DNAH14: variants seen among roughly 807,000 people sequenced by gnomAD.
DNAH14 encodes the protein axonemal beta dynein heavy chain 14.
A neutral mutation model predicts 520.9 loss-of-function variants in DNAH14; 478 were observed. That is an observed-to-expected ratio of 0.92 (90% confidence interval 0.85 to 0.99). The LOEUF is 0.99. Among genes scored for constraint, DNAH14 ranks in the 50% least tolerant of loss-of-function variants. The probability of loss-of-function intolerance (pLI) is 0.00; values close to 1 mark genes in which losing one functional copy is unlikely to be tolerated. For synonymous variants in DNAH14, 1,581 were observed against 1,757.2 expected, an observed-to-expected ratio of 0.90 and a Z score of 2.51; for missense variants, 4,831 against 5,234.5, an observed-to-expected ratio of 0.92 and a Z score of 2.38.
At chr1:225,384,788 C>A (rs1242686221) in intron 81 of DNAH14, among the ~76,000 whole-genome samples, 1 of 152,208 alleles carries the variant, frequency 6.6e-6, no homozygotes, top group Non-Finnish European at 1.5e-5. Flanking sequence ...CAGCCAAATT[C>A]TACCAGAGGT....
At chr1:225,213,807 G>A (rs1026697874) in intron 41 of DNAH14, among the ~76,000 whole-genome samples, 1 of 152,180 alleles carries the variant, frequency 6.6e-6, no homozygotes, top group Non-Finnish European at 1.5e-5. Context: ...GAGATTTTGG[G>A]CTGAGACGAT....
chr1:225,040,098 C>A (rs2067335380), intron 12 of DNAH14, among the ~76,000 whole-genome samples: 1 of 151,222 alleles, frequency 6.6e-6, no homozygotes. Flanking sequence ...CCACCATGCC[C>A]AGCTAATATT....
intron 17 of DNAH14, among the ~76,000 whole-genome samples, chr1:225,061,737 G>A (rs2070152817): frequency 6.6e-6 from 1 of 152,108 alleles, no homozygotes; most frequent in Admixed American, 6.6e-5. Flanking sequence ...GATCCTTTCA[G>A]CCTCCTGAAT....
intron 1 of DNAH14, among the ~76,000 whole-genome samples, chr1:224,941,913 C>G (rs1285857052): frequency 6.6e-6 from 1 of 152,098 alleles, no homozygotes; most frequent in Non-Finnish European, 1.5e-5. Flanking sequence ...TTACTGTAGC[C>G]TTGTAGTATA....
chr1:225,155,858 T>A (rs2080984736), intron 34 of DNAH14, among the ~76,000 whole-genome samples: 1 of 152,162 alleles, frequency 6.6e-6, no homozygotes, highest in African/African-American at 2.4e-5. Flanking sequence ...TGCTTTATTT[T>A]AAGAGGATGA....
intron 17 of DNAH14, among the ~76,000 whole-genome samples, chr1:225,071,227 T>A (rs2071510565): frequency 6.6e-6 from 1 of 152,192 alleles, no homozygotes. Flanking sequence ...ATCATCATGA[T>A]GTTAGCTGGT....
At chr1:225,095,994 T>C (rs1318883296) in intron 21 of DNAH14, among the ~76,000 whole-genome samples, 1 of 152,182 alleles carries the variant, frequency 6.6e-6, no homozygotes, top group African/African-American at 2.4e-5. Context: ...TGAGATGGTG[T>C]CTTGCTTTGT....
chr1:225,109,716 C>T (rs1426042900), intron 23 of DNAH14, among the ~76,000 whole-genome samples: 1 of 152,038 alleles, frequency 6.6e-6, no homozygotes. Flanking sequence ...TTTCTGATTG[C>T]TCCAGCTAGG....
At chr1:225,050,529 G>T (rs565664110) in intron 16 of DNAH14, among the ~76,000 whole-genome samples, 153 bp downstream of exon 16, 20 of 152,302 alleles carry the variant, frequency 1.3e-4, no homozygotes, top group African/African-American at 4.6e-4. Context: ...TTTTTCCCAT[G>T]ATCTGTCATC....
chr1:225,000,791 T>C (rs2063713362), intron 8 of DNAH14, among the ~76,000 whole-genome samples: 1 of 134,092 alleles, frequency 7.5e-6, no homozygotes, highest in African/African-American at 3.7e-5. Flanking sequence ...AGTTCAGCCA[T>C]TGAGTTTTTT....
chr1:225,319,801 T>C (rs2094528503), intron 61 of DNAH14, among the ~76,000 whole-genome samples: 1 of 152,092 alleles, frequency 6.6e-6, no homozygotes, highest in Admixed American at 6.6e-5. Flanking sequence ...GAGAACTGAA[T>C]GAAATTTGGA....
intron 44 of DNAH14, among the ~76,000 whole-genome samples, chr1:225,255,367 T>C (rs957794348): frequency 2.0e-5 from 3 of 152,226 alleles, no homozygotes. Flanking sequence ...AGGTTGGCTA[T>C]TCAAGGATTA....
intron 17 of DNAH14, among the ~76,000 whole-genome samples, chr1:225,067,716 A>G (rs1349513021): frequency 6.6e-6 from 1 of 152,122 alleles, no homozygotes; most frequent in Non-Finnish European, 1.5e-5. Flanking sequence ...TCTAATGATC[A>G]GTGATGTTGA....
chr1:225,265,272 T>C lies in DNAH14; in HGVS notation c.7313T>C (p.Phe2438Ser). The C allele has an allele frequency of 6.5e-7, 1 of 1,544,334 alleles. No individual in the cohort carries two copies. Among genetic ancestry groups the C allele is most frequent in the Middle Eastern group, 1.7e-4 (1 of 5,962 alleles). ...HKGVVVSTIN[F>S]STNVTAAKTK... Reference sequence around the variant, plus strand: ...GGAGTTGTAGTCTCTACAATAAATTTTAGCACCAATGTAACAGCTGCCAAA... The same window carrying C: ...GGAGTTGTAGTCTCTACAATAAATTCTAGCACCAATGTAACAGCTGCCAAA... The change falls in exon 48 of 86, where the codon TTT (phenylalanine) becomes TCT (serine). Residue 2438 changes from phenylalanine (F) to serine (S), a missense_variant. Coordinates refer to ENST00000682510, the MANE Select transcript of DNAH14 (RefSeq NM_001367479.1).
chr1:225,315,801 G>T (rs550595387), intron 60 of DNAH14, among the ~76,000 whole-genome samples: 1 of 152,166 alleles, frequency 6.6e-6, no homozygotes, highest in Non-Finnish European at 1.5e-5. Context: ...TGCTCCTTCC[G>T]CTGGAAGCTT....
intron 8 of DNAH14, among the ~76,000 whole-genome samples, chr1:224,997,899 T>A (rs1421594800): frequency 3.9e-5 from 6 of 152,132 alleles, no homozygotes; most frequent in Non-Finnish European, 7.4e-5. Flanking sequence ...AAACACCACA[T>A]GTTCTCACTC....
intron 17 of DNAH14, among the ~76,000 whole-genome samples, chr1:225,071,158 T>C (rs1013495298): frequency 3.9e-5 from 6 of 152,212 alleles, no homozygotes; most frequent in South Asian, 2.1e-4. Flanking sequence ...TGTTTTTTAA[T>C]TGGGACACTT....
intron 8 of DNAH14, among the ~76,000 whole-genome samples, chr1:224,990,759 G>A (rs2062979939): frequency 6.6e-6 from 1 of 152,134 alleles, no homozygotes; most frequent in African/African-American, 2.4e-5. Context: ...AGTGAACACT[G>A]GAGTGCAGAT....
At chr1:225,245,903 C>T (rs1285880349) in intron 43 of DNAH14, among the ~76,000 whole-genome samples, 2 of 151,930 alleles carry the variant, frequency 1.3e-5, no homozygotes, top group Non-Finnish European at 2.9e-5. Flanking sequence ...CAAAAAAGAA[C>T]CCATATAGCC....
Sources: gnomAD v4.1 joint callset for allele counts (sites outside exome capture counted in the v4.1 genomes callset) on GRCh38, gnomAD v4.1.1 for gene constraint, MANE v1.5 for transcripts, NCBI Gene and HGNC (gene_info 2026-07-23, HGNC 2026-07-21) for gene names.